Variants in UCK2 observed in about 807,000 individuals in gnomAD.
The protein encoded by UCK2 is cytidine monophosphokinase 2.
Under a neutral mutation model 30.8 loss-of-function variants are expected in UCK2, and 6 were observed. The ratio of observed to expected loss-of-function variants is 0.19; its 90% confidence interval spans 0.11 to 0.38. The LOEUF (loss-of-function observed/expected upper bound fraction) is 0.38, where lower values mean the gene tolerates loss of function less well. Ranked by LOEUF, UCK2 falls within the 10% of genes least tolerant of loss-of-function variation. UCK2 has a pLI of 1.00. For missense variants in UCK2, 210 were observed against 339.8 expected (o/e 0.62, Z 3.00); for synonymous variants, 125 against 133.6 (o/e 0.94, Z 0.45).
intron 1 of UCK2, among the ~76,000 whole-genome samples, chr1:165,853,510 C>T (rs911272910): frequency 7.9e-5 from 12 of 151,520 alleles, no homozygotes; most frequent in Non-Finnish European, 1.6e-4. Context: ...CAGGTGTTTG[C>T]AGAAAGGATC....
chr1:165,901,939 G>A (rs1401242411), intron 4 of UCK2, among the ~76,000 whole-genome samples: 14 of 113,768 alleles, frequency 1.2e-4, no homozygotes, highest in African/African-American at 2.8e-4. Flanking sequence ...GCAAGACCCC[G>A]TGTCTACCAA....
At chr1:165,871,089 T>C (rs968495869) in intron 1 of UCK2, among the ~76,000 whole-genome samples, 18 of 152,220 alleles carry the variant, frequency 1.2e-4, no homozygotes, top group Admixed American at 4.6e-4. Context: ...GTGCTGGGAT[T>C]ACAGGGGTGA....
chr1:165,906,591 AC>A (rs1318641901), intron 6 of UCK2, among the ~76,000 whole-genome samples: 9 of 151,220 alleles, frequency 6.0e-5, no homozygotes, highest in Admixed American at 4.0e-4. Context: ...CTGGTCTAAA[AC>A]TCCTACCTCA....
Position 165,890,277 on chromosome 1 carries a change from T to C in UCK2, c.173T>C (p.Ile58Thr). ...GACTATCGCCAGAAGCAGGTGGTCATCCTGAGCCAGGATAGCTTCTACCGT... is the reference window on the plus strand; with the variant it reads ...GACTATCGCCAGAAGCAGGTGGTCACCCTGAGCCAGGATAGCTTCTACCGT... ...EVDYRQKQVV[I>T]LSQDSFYRVL... The change falls in exon 2 of 7, where the codon ATC (isoleucine) becomes ACC (threonine). Residue 58 changes from isoleucine (I) to threonine (T), a missense_variant. By Grantham distance (89) the Ile-to-Thr change is moderately conservative. Transcript: ENST00000367879. The C allele has an allele frequency of 6.2e-7, 1 of 1,614,114 alleles. No homozygotes were observed. The highest frequency in any genetic ancestry group is 1.1e-5 in the South Asian group (1 of 91,080).
chr1:165,880,943 G>A (rs894028483), intron 1 of UCK2, among the ~76,000 whole-genome samples: 8 of 152,080 alleles, frequency 5.3e-5, no homozygotes, highest in Admixed American at 2.0e-4. Flanking sequence ...AGGCCGAGGC[G>A]TGTGGATCAC....
At chr1:165,885,557 G>A (rs1411669001) in intron 1 of UCK2, among the ~76,000 whole-genome samples, 1 of 152,124 alleles carries the variant, frequency 6.6e-6, no homozygotes, top group African/African-American at 2.4e-5. Flanking sequence ...GAAGTGGCAG[G>A]GACAGAATAT....
chr1:165,896,474 G>A (rs952955451), intron 4 of UCK2, 142 bp downstream of exon 4: 10 of 908,078 alleles, frequency 1.1e-5, no homozygotes, highest in South Asian at 6.3e-5. Context: ...GGTCCAGCCC[G>A]GCTGCGTCAG....
intron 1 of UCK2, among the ~76,000 whole-genome samples, chr1:165,875,768 A>G (rs1002989444): frequency 6.6e-6 from 1 of 152,168 alleles, no homozygotes; most frequent in Non-Finnish European, 1.5e-5. Context: ...AGGCATGGGG[A>G]AAGAGGTGCG....
At chr1:165,867,357 A>T (rs1209267337) in intron 1 of UCK2, among the ~76,000 whole-genome samples, 1 of 152,178 alleles carries the variant, frequency 6.6e-6, no homozygotes, top group African/African-American at 2.4e-5. Flanking sequence ...TTCATGAAAG[A>T]TTTCTCTGTT....
Position 165,827,830 on chromosome 1 carries a change from A to T in UCK2, c.-4A>T. 1 of 1,436,152 alleles carries T rather than the reference A, an allele frequency of 7.0e-7. No homozygotes were observed. The highest frequency in any genetic ancestry group is 9.2e-7 in the Non-Finnish European group (1 of 1,085,246). 89.0% of individuals were successfully genotyped at this position (1,436,152 alleles called of 1,614,324 possible). On this transcript the variant is annotated 5_prime_UTR_variant, in exon 1 of 7. Transcript: ENST00000367879. The stretch of plus-strand genomic sequence containing the variant: ...AGGCAGCGGGAGGAGGGGCGGCGCG[A>T]ACCATGGCCGGGGACAGCGAGCAGA...
chr1:165,840,796 CTTGTT>C (rs1350347973), intron 1 of UCK2, among the ~76,000 whole-genome samples: 1 of 152,122 alleles, frequency 6.6e-6, no homozygotes, highest in African/African-American at 2.4e-5. Flanking sequence ...GTTAAGGTCT[CTTGTT>C]TTGTAGTAGG....
intron 1 of UCK2, among the ~76,000 whole-genome samples, chr1:165,871,382 A>G (rs949929957): frequency 6.6e-6 from 1 of 152,110 alleles, no homozygotes. Context: ...ATCCCTTAGC[A>G]TGTGTGCAGC....
chr1:165,905,492 AAG>A (rs561123617), intron 5 of UCK2, among the ~76,000 whole-genome samples: 13 of 151,920 alleles, frequency 8.6e-5, no homozygotes, highest in Middle Eastern at 3.4e-3. Flanking sequence ...TTAAAAAAAA[AAG>A]AGAGAGTGAG....
intron 1 of UCK2, 94 bp downstream of exon 1, chr1:165,828,026 C>A: frequency 2.0e-6 from 2 of 996,306 alleles, no homozygotes; most frequent in Non-Finnish European, 2.6e-6. Flanking sequence ...GTTGCGGCAG[C>A]CACCGCGTGG....
intron 3 of UCK2, 108 bp from the exon 4 acceptor site, chr1:165,896,082 G>T: frequency 7.0e-7 from 1 of 1,424,976 alleles, no homozygotes; most frequent in Non-Finnish European, 9.6e-7. Flanking sequence ...TGAAGTCTGT[G>T]GGGGCAAGGA....
chr1:165,850,956 A>AC (rs1654581731), intron 1 of UCK2, among the ~76,000 whole-genome samples: 1 of 108,976 alleles, frequency 9.2e-6, no homozygotes, highest in South Asian at 2.8e-4. Flanking sequence ...TTTTTTTTTA[A>AC]TAGAGAATGG....
At chr1:165,857,254 G>A (rs1029092820) in intron 1 of UCK2, among the ~76,000 whole-genome samples, 2 of 152,100 alleles carry the variant, frequency 1.3e-5, no homozygotes, top group South Asian at 4.1e-4. Flanking sequence ...ATCATGCTTT[G>A]TACTAAGCTG....
At chr1:165,905,250 A>C (rs1647611125) in intron 5 of UCK2, among the ~76,000 whole-genome samples, 2 of 152,368 alleles carry the variant, frequency 1.3e-5, no homozygotes, top group South Asian at 2.1e-4. Context: ...TGGGAGGCCC[A>C]GGTGGGTGGA....
chr1:165,833,436 G>A (rs548202585), intron 1 of UCK2, among the ~76,000 whole-genome samples: 27 of 152,162 alleles, frequency 1.8e-4, no homozygotes, highest in Non-Finnish European at 2.8e-4. Context: ...TGCCTAGCAC[G>A]ATGTCTGGTA....
Sources: gnomAD v4.1 joint callset for allele counts (sites outside exome capture counted in the v4.1 genomes callset) on GRCh38, gnomAD v4.1.1 for gene constraint, MANE v1.5 for transcripts, NCBI Gene and HGNC (gene_info 2026-07-23, HGNC 2026-07-21) for gene names.